STAB2: variants seen among roughly 807,000 people sequenced by gnomAD.
STAB2 encodes stabilin-2.
A neutral mutation model predicts 338.1 loss-of-function variants in STAB2; 288 were observed. That is an observed-to-expected ratio of 0.85 (90% CI 0.77 to 0.94). STAB2 has a LOEUF of 0.94. Ranked by LOEUF, STAB2 falls within the 40% of genes least tolerant of loss-of-function variation. The probability of loss-of-function intolerance (pLI) is 0.00; values close to 1 mark genes in which losing one functional copy is unlikely to be tolerated. For synonymous variants in STAB2, 1,202 were observed against 1,193.3 expected (o/e 1.01, Z -0.15); for missense variants, 3,141 against 3,210.1 (o/e 0.98, Z 0.52).
At chr12:103,628,275 C>T (rs1052139373) in intron 5 of STAB2, among the ~76,000 whole-genome samples, 28 of 152,178 alleles carry the variant, frequency 1.8e-4, no homozygotes, top group African/African-American at 6.8e-4. Context: ...GTAATGATAC[C>T]TACCTCAAAG....
intron 52 of STAB2, 23 bp from the exon 53 acceptor site, chr12:103,737,598 CTCTTTCTCTTTTT>C: frequency 4.0e-6 from 5 of 1,253,062 alleles, no homozygotes; most frequent in East Asian, 3.0e-5. Flanking sequence ...CTCTCTCTCT[CTCTTTCTCTTTTT>C]TTTTTTTTTT....
intron 4 of STAB2, among the ~76,000 whole-genome samples, chr12:103,621,635 A>C (rs1957303910): frequency 6.6e-6 from 1 of 152,154 alleles, no homozygotes; most frequent in Non-Finnish European, 1.5e-5. Context: ...GGGAGGCTGA[A>C]GCAGGAGAAC....
intron 24 of STAB2, 37 bp downstream of exon 24, chr12:103,676,058 CTTT>C (rs35874368): frequency 0.018 from 12,089 of 661,890 alleles, no homozygotes; most frequent in Middle Eastern, 0.022. Flanking sequence ...TGCCTGGTTT[CTTT>C]TTTTTTTTTT....
chr12:103,729,109 A>G, intron 48 of STAB2, 114 bp downstream of exon 48: 1 of 972,378 alleles, frequency 1.0e-6, no homozygotes, highest in Middle Eastern at 3.3e-4. Context: ...CAGAAAACCC[A>G]ATGCTGCATG....
chr12:103,593,678 A>C (rs1246468682), intron 2 of STAB2, among the ~76,000 whole-genome samples: 3 of 152,188 alleles, frequency 2.0e-5, no homozygotes, highest in Non-Finnish European at 4.4e-5. Flanking sequence ...ATTCATCATC[A>C]TGTTATTCTT....
chr12:103,621,671 C>T (rs1034908158), intron 4 of STAB2, among the ~76,000 whole-genome samples: 1 of 152,126 alleles, frequency 6.6e-6, no homozygotes, highest in African/African-American at 2.4e-5. Flanking sequence ...TTCAGTGAGC[C>T]GAGATCGTGC....
intron 19 of STAB2, among the ~76,000 whole-genome samples, chr12:103,668,023 C>T (rs1042328404): frequency 1.3e-5 from 2 of 152,172 alleles, no homozygotes; most frequent in African/African-American, 4.8e-5. Flanking sequence ...CTGTCTGGGC[C>T]TGTTTCCTTA....
chr12:103,698,082 G>A (rs942766124), intron 33 of STAB2, among the ~76,000 whole-genome samples: 4 of 152,192 alleles, frequency 2.6e-5, no homozygotes, highest in Non-Finnish European at 5.9e-5. Context: ...GAGGCTGGGT[G>A]ATGCCAATAG....
At chr12:103,705,948 C>T (rs1278432717) in intron 37 of STAB2, among the ~76,000 whole-genome samples, 1 of 152,164 alleles carries the variant, frequency 6.6e-6, no homozygotes, top group African/African-American at 2.4e-5. Context: ...AATTCAGTTT[C>T]ATGATGAAAA....
rs951159603 is a variant in STAB2 at position 103,669,434 on chromosome 12, A to C, written c.2173-107A>C. The C allele has an allele frequency of 2.6e-4, 251 of 958,622 alleles. 1 individual carries two copies. The highest frequency in any genetic ancestry group is 1.4e-3 in the South Asian group (99 of 70,664). 59.4% of individuals were successfully genotyped at this position (958,622 alleles called of 1,614,324 possible). A position where few individuals can be genotyped will look rare whatever the true frequency, so the allele number is the denominator to read the frequency against. ...CAAAGAAAAGGGCAACCTCATAAGG[A>C]GAGGCGAATATGGCTTAGTATAATA... On this transcript the variant is annotated intron_variant, in intron 20 of 68. Transcript: ENST00000388887.
At position 103,727,303 on chromosome 12, in the gene STAB2, T is replaced by C. The variant is rs1320181524; in HGVS notation, c.4888T>C (p.Phe1630Leu). 1.2e-6 allele frequency: 2 copies of C among 1,614,144 alleles called. No homozygotes were observed. Among genetic ancestry groups the C allele is most frequent in the Non-Finnish European group, 1.7e-6 (2 of 1,180,040 alleles). The change falls in exon 47 of 69, where the codon TTC becomes CTC. Residue 1630 changes from phenylalanine (F) to leucine (L), a missense_variant. Physicochemically the swap from Phe to Leu is conservative, Grantham distance 22 (BLOSUM62 0). Coordinates refer to ENST00000388887, the MANE Select transcript of STAB2 (RefSeq NM_017564.10). ...FVKDLVGPGP[F>L]TVFAPLSAAF... ...GAAAGATCTGGTCGGCCCAGGCCCC[T>C]TCACTGTTTTTGCACCTTTATCTGC...
rs1359519385 is a variant in STAB2 at position 103,755,697 on chromosome 12, C to G, written c.6966C>G (p.Pro2322=). ...GNLLQVLMSF[P]SLTNFLTEVL... ...TGCTGCAGGTCCTGATGTCCTTCCC[C>G]TCACTCACAAACTTCCTGACGGTAT... The change falls in exon 63 of 69, where the codon CCC becomes CCG. Residue 2322 remains proline (P), a synonymous_variant. Transcript: ENST00000388887. The G allele has an allele frequency of 6.2e-7, 1 of 1,614,020 alleles. No homozygotes were observed. The highest frequency in any genetic ancestry group is 8.5e-7 in the Non-Finnish European group (1 of 1,180,040).
At chr12:103,734,004 A>G (rs1409861541) in intron 51 of STAB2, among the ~76,000 whole-genome samples, 1 of 150,932 alleles carries the variant, frequency 6.6e-6, no homozygotes, top group East Asian at 2.0e-4. Context: ...GCACGACCAT[A>G]TAGGAGCAAG....
At position 103,749,193 on chromosome 12, in the gene STAB2, G is replaced by A. The variant is rs779266465; in HGVS notation, c.6438+37G>A. On this transcript the variant is annotated intron_variant, in intron 59 of 68. Transcript: ENST00000388887. The stretch of plus-strand genomic sequence containing the variant: ...TTTCCCAGGGAAATTTGGGAGCAGC[G>A]CCGTGGGCTTCGCTCCTCCTTGCCT... The A allele has an allele frequency of 1.6e-5, 25 of 1,561,678 alleles. No individual in the cohort carries two copies. In the East Asian group the frequency reaches 2.3e-4, roughly 14 times the overall value.
At position 103,655,320 on chromosome 12, in the gene STAB2, C is replaced by A. The variant is rs752088843; in HGVS notation, c.1608+13C>A. On this transcript the variant is annotated intron_variant, in intron 14 of 68. Transcript: ENST00000388887. ...ATCTTTGTTAGAGGTAAGCACTTTT[C>A]ATAATTTTCTGAAAAATATTTATGT... The A allele has an allele frequency of 1.2e-5, 20 of 1,610,662 alleles. No homozygotes were observed. The Admixed American group carries it at 2.9e-4, about 23-fold the overall frequency.
intron 34 of STAB2, 119 bp from the exon 35 acceptor site, chr12:103,703,029 C>A: frequency 8.6e-7 from 1 of 1,159,742 alleles, no homozygotes; most frequent in South Asian, 1.7e-5. Context: ...ACTATTATAT[C>A]TCCAGGTGAA....
intron 9 of STAB2, among the ~76,000 whole-genome samples, chr12:103,644,591 CTAT>C (rs1873202283): frequency 6.6e-6 from 1 of 151,220 alleles, no homozygotes; most frequent in African/African-American, 2.4e-5. Flanking sequence ...TAAATGCTGG[CTAT>C]TATTATAACT....
intron 27 of STAB2, among the ~76,000 whole-genome samples, chr12:103,686,706 A>G (rs964409995): frequency 2.0e-5 from 3 of 152,162 alleles, no homozygotes; most frequent in Non-Finnish European, 2.9e-5. Context: ...GGGTCTCGCC[A>G]TGTGAGATAC....
intron 5 of STAB2, among the ~76,000 whole-genome samples, chr12:103,628,786 T>C (rs1565971178): frequency 6.6e-6 from 1 of 152,152 alleles, no homozygotes; most frequent in Non-Finnish European, 1.5e-5. Flanking sequence ...AATGACCCTA[T>C]TTCCCAATAG....
Sources: allele counts gnomAD v4.1 joint callset (sites outside exome capture counted in the v4.1 genomes callset), GRCh38; gene constraint gnomAD v4.1.1; transcripts MANE v1.5; gene names NCBI Gene and HGNC (gene_info 2026-07-23, HGNC 2026-07-21).